Variants in PHKB observed in about 807,000 individuals in gnomAD.
The protein encoded by PHKB is phosphorylase kinase regulatory subunit beta, also known as phosphorylase b kinase regulatory subunit beta.
In PHKB, 122 loss-of-function variants were observed where a neutral mutation model predicts 152.1. The observed-to-expected ratio is 0.80, with a 90% CI of 0.69 to 0.93. The LOEUF is 0.93. Ranked by LOEUF, PHKB falls within the 40% of genes least tolerant of loss-of-function variation. The pLI, the probability that PHKB is intolerant of heterozygous loss-of-function variation, is 0.00. For synonymous variants in PHKB, 436 were observed against 464.9 expected (o/e 0.94, Z 0.80); for missense variants, 1,304 against 1,328.4 (o/e 0.98, Z 0.29).
intron 1 of PHKB, among the ~76,000 whole-genome samples, chr16:47,471,392 G>A (rs1330876272): frequency 6.6e-6 from 1 of 152,158 alleles, no homozygotes; most frequent in Non-Finnish European, 1.5e-5. Flanking sequence ...AAGCAGTGGA[G>A]TTGTAAGGCT....
chr16:47,465,441 G>GTA (rs1258044159), intron 1 of PHKB, among the ~76,000 whole-genome samples: 1 of 152,138 alleles, frequency 6.6e-6, no homozygotes, highest in Non-Finnish European at 1.5e-5. Flanking sequence ...GTGTTTGAAG[G>GTA]TATATACAAG....
chr16:47,504,122 CAA>C (rs943920676), intron 4 of PHKB, among the ~76,000 whole-genome samples: 18 of 152,254 alleles, frequency 1.2e-4, no homozygotes, highest in Middle Eastern at 3.4e-3. Context: ...TGAGAGGAGA[CAA>C]AGCATAATCA....
intron 26 of PHKB, among the ~76,000 whole-genome samples, chr16:47,683,712 C>T (rs1454519791): frequency 6.6e-6 from 1 of 152,218 alleles, no homozygotes; most frequent in Non-Finnish European, 1.5e-5. Flanking sequence ...TTGTGCTTCT[C>T]AAGTGAGGCA....
chr16:47,566,309 A>G, intron 7 of PHKB: 1 of 1,113,190 alleles, frequency 9.0e-7, no homozygotes, highest in Non-Finnish European at 1.4e-6. Flanking sequence ...TTCAGTCTGT[A>G]TCTGTTTTGT....
At chr16:47,518,505 A>G (rs1970634235) in intron 6 of PHKB, among the ~76,000 whole-genome samples, 1 of 152,160 alleles carries the variant, frequency 6.6e-6, no homozygotes, top group Admixed American at 6.5e-5. Context: ...GTTTGTGGTG[A>G]TGAACTTTGC....
At chr16:47,614,094 G>T (rs2151710983) in intron 14 of PHKB, among the ~76,000 whole-genome samples, 1 of 152,346 alleles carries the variant, frequency 6.6e-6, no homozygotes, top group South Asian at 2.1e-4. Flanking sequence ...AAGCATAGCA[G>T]CTTCCAGGCT....
chr16:47,655,766 A>G (rs1973325101), intron 20 of PHKB, among the ~76,000 whole-genome samples: 1 of 152,208 alleles, frequency 6.6e-6, no homozygotes, highest in African/African-American at 2.4e-5. Context: ...AAACAGAACT[A>G]GAGCTCTTTG....
intron 12 of PHKB, among the ~76,000 whole-genome samples, chr16:47,595,003 A>T (rs2151700921): frequency 6.6e-6 from 1 of 152,328 alleles, no homozygotes; most frequent in Non-Finnish European, 1.5e-5. Context: ...TAATGTTAAA[A>T]GTTGTGAAAT....
chr16:47,500,141 A>G (rs1298243141), intron 3 of PHKB, among the ~76,000 whole-genome samples: 1 of 151,790 alleles, frequency 6.6e-6, no homozygotes, highest in Non-Finnish European at 1.5e-5. Context: ...GGGTTCAAGC[A>G]ATTCTGCTGC....
chr16:47,666,579 G>C (rs1973543655), intron 25 of PHKB, among the ~76,000 whole-genome samples: 1 of 152,202 alleles, frequency 6.6e-6, no homozygotes, highest in African/African-American at 2.4e-5. Flanking sequence ...CTCTCTCTCT[G>C]GATTCTCACA....
At chr16:47,486,192 G>T (rs1970046576) in intron 1 of PHKB, among the ~76,000 whole-genome samples, 1 of 152,154 alleles carries the variant, frequency 6.6e-6, no homozygotes, top group African/African-American at 2.4e-5. Context: ...GATTAAGGTT[G>T]CAGAAGATCG....
chr16:47,655,012 A>C (rs1456244542), intron 20 of PHKB, among the ~76,000 whole-genome samples: 1 of 152,160 alleles, frequency 6.6e-6, no homozygotes, highest in Non-Finnish European at 1.5e-5. Context: ...TTTTATTAGA[A>C]ACTTTGATAG....
At chr16:47,516,611 A>C (rs906922231) in intron 6 of PHKB, among the ~76,000 whole-genome samples, 1 of 152,178 alleles carries the variant, frequency 6.6e-6, no homozygotes, top group Non-Finnish European at 1.5e-5. Context: ...GAACAATTAC[A>C]TCAGACACTC....
At position 47,547,335 on chromosome 16, in the gene PHKB, A is replaced by G. The variant is rs1003935989; in HGVS notation, c.595-98A>G. 3 of 737,900 alleles carry G rather than the reference A, an allele frequency of 4.1e-6. No homozygotes were observed. In the Admixed American group the frequency reaches 5.8e-5, roughly 14 times the overall value. 45.7% of individuals were successfully genotyped at this position (737,900 alleles called of 1,614,324 possible). A position where few individuals can be genotyped will look rare whatever the true frequency, so the allele number is the denominator to read the frequency against. ...CCAACCTCATGTAATCCCTCCCCTCAGCCTCCCAAATTGCTGGGATTACAG... is the reference window on the plus strand; with the variant it reads ...CCAACCTCATGTAATCCCTCCCCTCGGCCTCCCAAATTGCTGGGATTACAG... On this transcript the variant is annotated intron_variant, in intron 6 of 30. Coordinates refer to ENST00000323584, the MANE Select transcript of PHKB (RefSeq NM_000293.3).
chr16:47,597,196 A>G (rs1404584339), intron 13 of PHKB, among the ~76,000 whole-genome samples: 1 of 152,174 alleles, frequency 6.6e-6, no homozygotes, highest in Non-Finnish European at 1.5e-5. Flanking sequence ...GAATTCCTTT[A>G]TGGCAAAATA....
chr16:47,699,340 A>G lies in PHKB; in HGVS notation c.3256A>G (p.Asn1086Asp), dbSNP rs1974209461. The G allele has an allele frequency of 8.1e-6, 13 of 1,614,044 alleles. No homozygotes were observed. The highest frequency in any genetic ancestry group is 1.1e-5 in the Non-Finnish European group (13 of 1,180,018). The change falls in exon 31 of 31, where the codon AAT becomes GAT. Residue 1086 changes from asparagine to aspartate, a missense_variant. Transcript: ENST00000323584. ...GCTGGAAGGAGAAGTCAAGCCAAAC[A>G]ATGATGACCCGTGTCTGATTAGCTA... ...LLLEGEVKPNNDDPCLIS is the reference protein window; with the variant it reads ...LLLEGEVKPNDDDPCLIS
At chr16:47,640,594 A>G (rs1973000571) in intron 14 of PHKB, among the ~76,000 whole-genome samples, 1 of 152,252 alleles carries the variant, frequency 6.6e-6, no homozygotes, top group Non-Finnish European at 1.5e-5. Flanking sequence ...ACTGGTTAAC[A>G]AGAAAGGGAA....
chr16:47,543,119 G>A (rs1031944084), intron 6 of PHKB, among the ~76,000 whole-genome samples: 3 of 152,044 alleles, frequency 2.0e-5, no homozygotes, highest in Admixed American at 6.6e-5. Flanking sequence ...CCCATTCAGT[G>A]TGATATTGGC....
chr16:47,599,660 G>A (rs766145006), intron 13 of PHKB, among the ~76,000 whole-genome samples: 4 of 152,160 alleles, frequency 2.6e-5, no homozygotes, highest in South Asian at 2.1e-4. Context: ...CAGAGCTGCC[G>A]TTAAAGAAAG....
Sources: gnomAD v4.1 joint callset for allele counts (sites outside exome capture counted in the v4.1 genomes callset) on GRCh38, gnomAD v4.1.1 for gene constraint, MANE v1.5 for transcripts, NCBI Gene and HGNC (gene_info 2026-07-23, HGNC 2026-07-21) for gene names.